The following DENND2A variants were observed in gnomAD, a reference collection of about 807,000 sequenced individuals.
DENND2A encodes DENN domain containing 2A, also known as DENN domain-containing protein 2A.
In DENND2A, 53 loss-of-function variants were observed where a neutral mutation model predicts 105.3. The ratio of observed to expected loss-of-function variants is 0.50; its 90% CI spans 0.40 to 0.63. The LOEUF (loss-of-function observed/expected upper bound fraction) is 0.63, where lower values mean the gene tolerates loss of function less well. Among genes scored for constraint, DENND2A ranks in the 30% least tolerant of loss-of-function variants. The pLI is 0.00. For missense variants in DENND2A, 1,138 were observed against 1,279.6 expected, an observed-to-expected ratio of 0.89 and a Z score of 1.69; for synonymous variants, 522 against 508.4, an observed-to-expected ratio of 1.03 and a Z score of -0.36.
intron 5 of DENND2A, among the ~76,000 whole-genome samples, chr7:140,582,606 A>T (rs1380327657): frequency 6.6e-6 from 1 of 152,232 alleles, no homozygotes; most frequent in African/African-American, 2.4e-5. Context: ...GGTCTGTAAG[A>T]TCCATCCTTT....
chr7:140,569,709 C>T lies in DENND2A; in HGVS notation c.1476G>A (p.Glu492=). Residue 492 remains glutamate (E), a synonymous_variant, in exon 7 of 20, where the codon GAG becomes GAA. Coordinates refer to ENST00000496613, the MANE Select transcript of DENND2A (RefSeq NM_015689.5). ...TCACCCGTTTCTTTCCTCTCCGGAC[C>T]TCATAAATGGCGTTGATTCGCAACA... The part of the protein sequence containing the change: ...KLVLRINAIY[E]VRRGKKRVKR... 1 of 1,613,844 alleles carries T rather than the reference C, an allele frequency of 6.2e-7. No individual in the cohort carries two copies. The highest frequency in any genetic ancestry group is 8.5e-7 in the Non-Finnish European group (1 of 1,179,808).
At position 140,587,610 on chromosome 7, in the gene DENND2A, CCAGA is replaced by C. The variant is rs773886380; in HGVS notation, c.1123+39_1123+42del. On this transcript the variant is annotated intron_variant, in intron 4 of 19. Coordinates refer to ENST00000496613, the MANE Select transcript of DENND2A (RefSeq NM_015689.5). ...AGCCCCATTCTCCCTCCCCTTTCTC[CCAGA>C]CAGACTCAGATCCGCACACAGACGC... 3.7e-5 allele frequency: 59 copies of C among 1,610,792 alleles called. No individual in the cohort carries two copies. In the Middle Eastern group the frequency reaches 6.1e-4, roughly 17 times the overall value.
intron 14 of DENND2A, among the ~76,000 whole-genome samples, chr7:140,537,581 A>C (rs1318710660): frequency 1.3e-5 from 2 of 152,236 alleles, no homozygotes; most frequent in Non-Finnish European, 2.9e-5. Context: ...AGCTGGAACT[A>C]CAGGCATGTG....
intron 5 of DENND2A, 101 bp downstream of exon 5, chr7:140,585,488 T>C: frequency 3.3e-6 from 5 of 1,520,684 alleles, no homozygotes; most frequent in Non-Finnish European, 4.5e-6. Flanking sequence ...GCAGGGCAGG[T>C]GGAGGTGGCC....
intron 14 of DENND2A, among the ~76,000 whole-genome samples, chr7:140,532,205 GT>G (rs756218240): frequency 1.3e-4 from 20 of 152,216 alleles, no homozygotes; most frequent in Non-Finnish European, 2.1e-4. Context: ...AGAGGCAGAA[GT>G]TGTTGTGAGT....
At chr7:140,622,966 T>C (rs1208632565) in intron 1 of DENND2A, among the ~76,000 whole-genome samples, 5 of 152,158 alleles carry the variant, frequency 3.3e-5, no homozygotes, top group African/African-American at 9.7e-5. Flanking sequence ...TAGGTTTGCC[T>C]CTAGCCTGGC....
Position 140,555,699 on chromosome 7 carries a change from C to T in DENND2A, c.1974G>A (p.Gly658=). 1.2e-6 allele frequency: 2 copies of T among 1,604,948 alleles called. No individual in the cohort carries two copies. Among genetic ancestry groups the T allele is most frequent in the Non-Finnish European group, 8.5e-7 (1 of 1,177,466 alleles). ...TGCAGTAAACTTCAGGAAGGCGCTTCCCTTTGCCTCCAGGCTTTTCGGAGA... is the reference window on the plus strand; with the variant it reads ...TGCAGTAAACTTCAGGAAGGCGCTTTCCTTTGCCTCCAGGCTTTTCGGAGA... The part of the protein sequence containing the change: ...YCRRLLPGGK[G]KRLPEVYCIV... Residue 658 remains glycine (G), a synonymous_variant, in exon 12 of 20, where the codon GGG becomes GGA. Coordinates refer to ENST00000496613, the MANE Select transcript of DENND2A (RefSeq NM_015689.5).
intron 1 of DENND2A, among the ~76,000 whole-genome samples, chr7:140,626,519 C>A (rs888967967): frequency 3.3e-5 from 5 of 152,184 alleles, no homozygotes; most frequent in African/African-American, 1.2e-4. Flanking sequence ...ACTGAACAGC[C>A]CACTTGAATG....
intron 1 of DENND2A, among the ~76,000 whole-genome samples, chr7:140,616,565 T>C (rs1478901071): frequency 6.6e-6 from 1 of 152,124 alleles, no homozygotes; most frequent in African/African-American, 2.4e-5. Context: ...AATTATATGC[T>C]TTATGAGAGT....
At chr7:140,552,531 A>C (rs969156646) in intron 12 of DENND2A, among the ~76,000 whole-genome samples, 2 of 151,448 alleles carry the variant, frequency 1.3e-5, no homozygotes, top group African/African-American at 4.9e-5. Context: ...AGGTAGCTGG[A>C]ACTACAGGTG....
intron 16 of DENND2A, among the ~76,000 whole-genome samples, chr7:140,524,475 G>T (rs903760196): frequency 6.6e-6 from 1 of 152,104 alleles, no homozygotes; most frequent in African/African-American, 2.4e-5. Context: ...GACAACAAGC[G>T]TTAATGTTTT....
At chr7:140,540,280 A>G (rs960244468) in intron 14 of DENND2A, among the ~76,000 whole-genome samples, 2 of 152,258 alleles carry the variant, frequency 1.3e-5, no homozygotes, top group African/African-American at 4.8e-5. Flanking sequence ...CAGCTGCTGC[A>G]GAAGAAAACC....
At chr7:140,609,513 G>A (rs1176993383) in intron 1 of DENND2A, among the ~76,000 whole-genome samples, 2 of 152,058 alleles carry the variant, frequency 1.3e-5, no homozygotes, top group Non-Finnish European at 2.9e-5. Context: ...ACTCTTTTTT[G>A]AGAGTCTGTC....
chr7:140,546,357 G>T (rs1470561315), intron 13 of DENND2A, among the ~76,000 whole-genome samples: 1 of 152,104 alleles, frequency 6.6e-6, no homozygotes, highest in Non-Finnish European at 1.5e-5. Flanking sequence ...GGCAGAGGTT[G>T]CAGTGAGCCG....
intron 16 of DENND2A, among the ~76,000 whole-genome samples, chr7:140,524,284 T>G (rs1795967722): frequency 6.6e-6 from 1 of 152,228 alleles, no homozygotes; most frequent in African/African-American, 2.4e-5. Flanking sequence ...GTAATTACTA[T>G]AATTACTTCT....
At chr7:140,571,537 G>A (rs903682748) in intron 6 of DENND2A, among the ~76,000 whole-genome samples, 1 of 152,022 alleles carries the variant, frequency 6.6e-6, no homozygotes, top group African/African-American at 2.4e-5. Context: ...GGTGTCTCTG[G>A]GCCATTTAGT....
At chr7:140,520,854 C>T (rs958832978) in intron 18 of DENND2A, among the ~76,000 whole-genome samples, 6 of 150,248 alleles carry the variant, frequency 4.0e-5, no homozygotes, top group Non-Finnish European at 7.4e-5. Context: ...CCACAGCGCC[C>T]GGCTTTTTCC....
intron 1 of DENND2A, among the ~76,000 whole-genome samples, chr7:140,627,091 C>G (rs752051313): frequency 6.6e-6 from 1 of 152,154 alleles, no homozygotes; most frequent in Non-Finnish European, 1.5e-5. Context: ...CAGTGCATAG[C>G]CCAGAAAAAG....
At chr7:140,526,704 G>A (rs1013072889) in intron 15 of DENND2A, among the ~76,000 whole-genome samples, 11 of 152,218 alleles carry the variant, frequency 7.2e-5, no homozygotes, top group Admixed American at 5.9e-4. Flanking sequence ...AATTAGAGGA[G>A]CAGCTTCTAG....
Sources: gnomAD v4.1 joint callset for allele counts (sites outside exome capture counted in the v4.1 genomes callset) on GRCh38, gnomAD v4.1.1 for gene constraint, MANE v1.5 for transcripts, NCBI Gene and HGNC (gene_info 2026-07-23, HGNC 2026-07-21) for gene names.